Variants in RBFOX1 observed in about 807,000 individuals in gnomAD.
The protein encoded by RBFOX1 is RNA binding protein fox-1 homolog 1.
Under a neutral mutation model 57.7 loss-of-function variants are expected in RBFOX1, and 8 were observed. The observed-to-expected ratio is 0.14, with a 90% CI of 0.08 to 0.25. RBFOX1 has a LOEUF of 0.25. Among genes scored for constraint, RBFOX1 ranks in the 10% least tolerant of loss-of-function variants. The pLI is 1.00. For synonymous variants in RBFOX1, 326 were observed against 222.4 expected, an observed-to-expected ratio of 1.47 and a Z score of -4.15; for missense variants, 611 against 548.5, an observed-to-expected ratio of 1.11 and a Z score of -1.14.
intron 4 of RBFOX1, among the ~76,000 whole-genome samples, chr16:7,110,090 A>T (rs890049034): frequency 7.3e-5 from 11 of 151,482 alleles, no homozygotes; most frequent in Non-Finnish European, 1.6e-4. Flanking sequence ...TGGCTCAGGC[A>T]TGTATTCCCA....
chr16:6,058,731 AC>A (rs1391429463), intron 1 of RBFOX1, among the ~76,000 whole-genome samples: 1 of 146,222 alleles, frequency 6.8e-6, no homozygotes, highest in Non-Finnish European at 1.5e-5. Flanking sequence ...CCACCCATCC[AC>A]CAATCCATCC....
intron 1 of RBFOX1, among the ~76,000 whole-genome samples, chr16:5,420,495 TG>T (rs1388740872): frequency 2.0e-5 from 3 of 152,018 alleles, no homozygotes; most frequent in Non-Finnish European, 4.4e-5. Context: ...GCATCCACTT[TG>T]TTTTTTTTGT....
intron 3 of RBFOX1, among the ~76,000 whole-genome samples, chr16:5,662,239 A>G (rs1048558513): frequency 3.9e-5 from 6 of 152,130 alleles, no homozygotes; most frequent in African/African-American, 1.4e-4. Flanking sequence ...CTAATGTAAA[A>G]CAGTAGTTCT....
chr16:5,398,265 G>A (rs2066617619), intron 1 of RBFOX1, among the ~76,000 whole-genome samples: 1 of 152,114 alleles, frequency 6.6e-6, no homozygotes, highest in Admixed American at 6.5e-5. Flanking sequence ...GGATGTGGGT[G>A]TGCACGTGCT....
At chr16:5,458,136 T>C (rs1020461623) in intron 1 of RBFOX1, among the ~76,000 whole-genome samples, 1 of 152,236 alleles carries the variant, frequency 6.6e-6, no homozygotes, top group East Asian at 1.9e-4. Context: ...AAATTAAATA[T>C]TGCATTAAGT....
intron 4 of RBFOX1, among the ~76,000 whole-genome samples, chr16:7,488,014 C>T (rs1017518506): frequency 6.6e-6 from 1 of 152,128 alleles, no homozygotes; most frequent in African/African-American, 2.4e-5. Context: ...AGAGGCCGGC[C>T]TTGTGAATGA....
chr16:7,378,222 G>C (rs529620489), intron 4 of RBFOX1, among the ~76,000 whole-genome samples: 258 of 152,298 alleles, frequency 1.7e-3, no homozygotes, highest in African/African-American at 6.0e-3. Flanking sequence ...TGCGATGAGT[G>C]TGTACACAAA....
chr16:6,124,549 C>A lies in RBFOX1; in HGVS notation c.-127+104557C>A, dbSNP rs116091097. Among the ~76,000 whole-genome samples, 1,225 of 152,232 alleles carry A rather than the reference C, an allele frequency of 8.0e-3. 15 individuals carry two copies. The highest frequency in any genetic ancestry group is 0.028 in the African/African-American group (1,177 of 41,548). On this transcript the variant is annotated intron_variant, in intron 1 of 15. Transcript: ENST00000550418. ...AGACAGTCTCCCTCTGTTGCCCAGACTGGGGTGCAGTGGCATAATCTCGGC... is the reference window on the plus strand; with the variant it reads ...AGACAGTCTCCCTCTGTTGCCCAGAATGGGGTGCAGTGGCATAATCTCGGC...
At chr16:6,492,712 T>C (rs1339040416) in intron 2 of RBFOX1, among the ~76,000 whole-genome samples, 2 of 152,316 alleles carry the variant, frequency 1.3e-5, no homozygotes, top group African/African-American at 2.4e-5. Context: ...AGAAGGAAAC[T>C]GGAGCGGAGG....
intron 2 of RBFOX1, among the ~76,000 whole-genome samples, chr16:5,590,847 A>C (rs1396732136): frequency 6.6e-6 from 1 of 152,124 alleles, no homozygotes; most frequent in Non-Finnish European, 1.5e-5. Context: ...AGTACTGCCT[A>C]CCCTGGGAAC....
chr16:7,183,368 T>A (rs12599569), intron 4 of RBFOX1, among the ~76,000 whole-genome samples: 7 of 152,006 alleles, frequency 4.6e-5, no homozygotes, highest in African/African-American at 1.7e-4. Flanking sequence ...AGGTAATTTT[T>A]TTCTACCTGA....
At chr16:6,483,346 C>T in intron 2 of RBFOX1, 1 of 1,483,544 alleles carries the variant, frequency 6.7e-7, no homozygotes, top group Non-Finnish European at 9.0e-7. Context: ...GCGGTCGTGC[C>T]AGGCAGCCCG....
chr16:5,604,579 C>G (rs1050545239), downstream of RBFOX1, among the ~76,000 whole-genome samples: 12 of 152,092 alleles, frequency 7.9e-5, no homozygotes, highest in Non-Finnish European at 1.2e-4. Flanking sequence ...TACACATGTC[C>G]CAACATAATC....
intron 2 of RBFOX1, among the ~76,000 whole-genome samples, chr16:6,353,319 G>T (rs2152850801): frequency 6.6e-6 from 1 of 152,070 alleles, no homozygotes; most frequent in Admixed American, 6.6e-5. Flanking sequence ...CTCTATGAGA[G>T]ATTTCCATTA....
At chr16:6,598,762 A>G (rs918074153) in intron 2 of RBFOX1, among the ~76,000 whole-genome samples, 4 of 152,102 alleles carry the variant, frequency 2.6e-5, no homozygotes, top group Admixed American at 2.0e-4. Flanking sequence ...CCGGACCAAT[A>G]TGGTGAAACC....
At chr16:6,355,527 T>G (rs1236667921) in intron 2 of RBFOX1, among the ~76,000 whole-genome samples, 1 of 152,206 alleles carries the variant, frequency 6.6e-6, no homozygotes, top group Non-Finnish European at 1.5e-5. Context: ...CTTCATCCAG[T>G]CTATTATTGA....
At chr16:7,095,644 G>C (rs1313915557) in intron 4 of RBFOX1, among the ~76,000 whole-genome samples, 2 of 152,178 alleles carry the variant, frequency 1.3e-5, no homozygotes, top group Admixed American at 1.3e-4. Context: ...AGCTTGGAAT[G>C]TGTTTACAGA....
chr16:5,884,231 G>C (rs1443219279), intron 4 of RBFOX1, among the ~76,000 whole-genome samples: 1 of 152,172 alleles, frequency 6.6e-6, no homozygotes, highest in Non-Finnish European at 1.5e-5. Flanking sequence ...CCCCCATAGA[G>C]AACCTTCCCT....
At chr16:7,130,339 A>G (rs1451332672) in intron 4 of RBFOX1, among the ~76,000 whole-genome samples, 1 of 152,126 alleles carries the variant, frequency 6.6e-6, no homozygotes, top group East Asian at 1.9e-4. Flanking sequence ...CCAGGCCTGA[A>G]GACTGATTAT....
Sources: allele counts gnomAD v4.1 joint callset (sites outside exome capture counted in the v4.1 genomes callset), GRCh38; gene constraint gnomAD v4.1.1; transcripts MANE v1.5; gene names NCBI Gene and HGNC (gene_info 2026-07-23, HGNC 2026-07-21).